Variants in UGT2B4 observed in about 807,000 individuals in gnomAD.
UGT2B4 encodes UDP-glucuronosyltransferase 2B4.
A neutral mutation model predicts 49.8 loss-of-function variants in UGT2B4; 49 were observed. The observed-to-expected ratio is 0.98, with a 90% CI of 0.78 to 1.25. UGT2B4 has a LOEUF of 1.25. UGT2B4 is among the 50% of genes most tolerant of loss of function. The pLI is 0.00. For missense variants in UGT2B4, 729 were observed against 627.7 expected (o/e 1.16, Z -1.73); for synonymous variants, 246 against 217.7 (o/e 1.13, Z -1.14).
chr4:69,507,220 CA>C (rs1728496392), intron 1 of UGT2B4, among the ~76,000 whole-genome samples: 1 of 152,160 alleles, frequency 6.6e-6, no homozygotes, highest in African/African-American at 2.4e-5. Context: ...AAGTTCTGGT[CA>C]GGGCCATCAG....
intron 1 of UGT2B4, among the ~76,000 whole-genome samples, chr4:69,505,536 A>G (rs1728445467): frequency 1.3e-5 from 2 of 152,186 alleles, no homozygotes; most frequent in Non-Finnish European, 2.9e-5. Flanking sequence ...ATATAAATGC[A>G]CCCAACACAG....
In UGT2B4 at chr4:69,512,638, T is replaced by C. The variant is rs1320129171; in HGVS notation, c.-106+13049A>G. On this transcript the variant is annotated intron_variant, in intron 1 of 1. Transcript: ENST00000510114. ...TCTTTGAGGAAATGCCACACTGTCT[T>C]CCATGATGGTTGAAGTAATTTATAC... Among the ~76,000 whole-genome samples, 4 of 152,180 alleles carry C rather than the reference T, an allele frequency of 2.6e-5. No individual in the cohort carries two copies. In the East Asian group the frequency reaches 7.7e-4, roughly 29 times the overall value.
rs1727556697 is a variant in UGT2B4 at position 69,480,687 on chromosome 4, G to T, written c.1534C>A (p.Leu512Met). The T allele has an allele frequency of 6.2e-7, 1 of 1,613,980 alleles. No homozygotes were observed. The highest frequency in any genetic ancestry group is 1.1e-5 in the South Asian group (1 of 91,062). ...ATVIFIITKC[L>M]FCVWKFVRTG... ...CTAACAAACTTCCAGACACAAAACA[G>T]ACATTTTGTGATGATGAATATCACA... Residue 512 changes from leucine to methionine, a missense_variant, in exon 6 of 6, where the codon CTG becomes ATG. Leu to Met is a conservative substitution (Grantham distance 15). Coordinates refer to ENST00000305107, the MANE Select transcript of UGT2B4 (RefSeq NM_021139.3).
intron 4 of UGT2B4, 69 bp from the exon 5 acceptor site, chr4:69,485,496 T>C (rs896603756): frequency 1.3e-6 from 2 of 1,587,670 alleles, no homozygotes; most frequent in African/African-American, 1.4e-5. Flanking sequence ...TGGAAGAATC[T>C]GAATGTGACG....
Position 69,480,613 on chromosome 4 carries a change from A to G in UGT2B4, c.*21T>C. 1.9e-6 allele frequency: 3 copies of G among 1,607,790 alleles called. No individual in the cohort carries two copies. The highest frequency in any genetic ancestry group is 2.6e-6 in the Non-Finnish European group (3 of 1,176,042). On this transcript the variant is annotated 3_prime_UTR_variant, in exon 6 of 6. Transcript: ENST00000305107. ...AAGGAGTTCATTTATTGGGTTTCCC[A>G]GCTTCCAGCCTCAGACGTAATTAAT...
At chr4:69,489,029 T>C (rs1046202548) in intron 3 of UGT2B4, among the ~76,000 whole-genome samples, 2 of 152,154 alleles carry the variant, frequency 1.3e-5, no homozygotes, top group African/African-American at 2.4e-5. Context: ...CCTGCTATTG[T>C]TATTGTGCTA....
upstream of UGT2B4, among the ~76,000 whole-genome samples, chr4:69,500,610 A>AAG (rs1728284824): frequency 1.3e-5 from 1 of 76,830 alleles, no homozygotes; most frequent in Non-Finnish European, 3.0e-5. Flanking sequence ...AGCAAGGAAG[A>AAG]AAGAAAGAAA....
At chr4:69,521,669 G>T (rs1184262897) in intron 1 of UGT2B4, among the ~76,000 whole-genome samples, 3 of 152,192 alleles carry the variant, frequency 2.0e-5, no homozygotes, top group Non-Finnish European at 2.9e-5. Flanking sequence ...AGCCTGCTGG[G>T]CCAAGTGGGT....
At chr4:69,522,820 A>T (rs2109835541) in intron 1 of UGT2B4, among the ~76,000 whole-genome samples, 1 of 152,328 alleles carries the variant, frequency 6.6e-6, no homozygotes, top group Non-Finnish European at 1.5e-5. Context: ...CTTCTTTCAG[A>T]GTTGAAGTTC....
At chr4:69,500,610 A>AAAGCAAGAAAGCAAGAAAGCAAGAAAGC (rs1265749209), upstream of UGT2B4, among the ~76,000 whole-genome samples, 9 of 76,916 alleles carry the variant, frequency 1.2e-4, no homozygotes, top group Middle Eastern at 5.2e-3. Context: ...AGCAAGGAAG[A>AAAGCAAGAAAGCAAGAAAGCAAGAAAGC]AAGAAAGAAA....
chr4:69,500,557 A>C (rs1728276780), upstream of UGT2B4, among the ~76,000 whole-genome samples: 1 of 150,702 alleles, frequency 6.6e-6, no homozygotes, highest in Non-Finnish European at 1.5e-5. Context: ...GACAAGAAAG[A>C]AAGCAAGAAA....
At chr4:69,500,113 G>T (rs11249443), upstream of UGT2B4, among the ~76,000 whole-genome samples, 1 of 152,126 alleles carries the variant, frequency 6.6e-6, no homozygotes, top group East Asian at 1.9e-4. Flanking sequence ...GATGCAGCTC[G>T]AAGCCATTAT....
At chr4:69,512,583 G>T (rs1728633987) in intron 1 of UGT2B4, among the ~76,000 whole-genome samples, 1 of 152,096 alleles carries the variant, frequency 6.6e-6, no homozygotes, top group African/African-American at 2.4e-5. Context: ...TAAGGAAATT[G>T]CTGGCTCAAA....
At chr4:69,510,985 T>TC (rs1728589444) in intron 1 of UGT2B4, among the ~76,000 whole-genome samples, 1 of 84,750 alleles carries the variant, frequency 1.2e-5, no homozygotes, top group Non-Finnish European at 2.3e-5. Context: ...TTCTTTTCTT[T>TC]TCTTCTTTTT....
At position 69,480,455 on chromosome 4, in the gene UGT2B4, A is replaced by G. The variant is rs1016713751; in HGVS notation, c.*179T>C. ...GTTTTCCCTAATGTTTTCCTCCTTG[A>G]CATGAAATATTTCTAATGGTTAAAC... On this transcript the variant is annotated 3_prime_UTR_variant, in exon 6 of 6. Transcript: ENST00000305107. 1 of 872,394 alleles carries G rather than the reference A, an allele frequency of 1.1e-6. No individual in the cohort carries two copies. Among genetic ancestry groups the G allele is most frequent in the Middle Eastern group, 3.3e-4 (1 of 3,058 alleles). 54.0% of individuals were successfully genotyped at this position (872,394 alleles called of 1,614,324 possible).
intron 1 of UGT2B4, among the ~76,000 whole-genome samples, chr4:69,508,558 A>C (rs1005240933): frequency 6.6e-6 from 1 of 152,210 alleles, no homozygotes; most frequent in African/African-American, 2.4e-5. Context: ...TTGCAGGGAC[A>C]TGGATGGAGT....
intron 1 of UGT2B4, among the ~76,000 whole-genome samples, chr4:69,506,174 C>G (rs1168863223): frequency 4.0e-5 from 6 of 151,286 alleles, no homozygotes; most frequent in Admixed American, 2.0e-4. Context: ...AACAGAGAAC[C>G]AAGAGCAAAA....
intron 1 of UGT2B4, among the ~76,000 whole-genome samples, chr4:69,514,171 T>TG (rs1355302904): frequency 1.3e-5 from 2 of 152,136 alleles, no homozygotes; most frequent in African/African-American, 4.8e-5. Context: ...ACATGTGCCA[T>TG]GTTGGTGTGC....
At chr4:69,508,628 T>G (rs1227976096) in intron 1 of UGT2B4, among the ~76,000 whole-genome samples, 1 of 152,162 alleles carries the variant, frequency 6.6e-6, no homozygotes, top group African/African-American at 2.4e-5. Flanking sequence ...CTGCAGGTCC[T>G]TATCTGTAAG....
Sources: gnomAD v4.1 joint callset for allele counts (sites outside exome capture counted in the v4.1 genomes callset) on GRCh38, gnomAD v4.1.1 for gene constraint, MANE v1.5 for transcripts, NCBI Gene and HGNC (gene_info 2026-07-23, HGNC 2026-07-21) for gene names.